Variants in ADORA2B observed in about 807,000 individuals in gnomAD.
ADORA2B encodes adenosine A2b receptor.
ADORA2B carries 18 observed loss-of-function variants against 20.8 expected under a neutral mutation model. The ratio of observed to expected loss-of-function variants is 0.87; its 90% CI spans 0.60 to 1.29. The LOEUF (loss-of-function observed/expected upper bound fraction) is 1.29. Among genes scored for constraint, ADORA2B ranks in the 50% most tolerant of loss-of-function variants. The pLI, the probability that ADORA2B is intolerant of heterozygous loss-of-function variation, is 0.00. For synonymous variants in ADORA2B, 179 were observed against 178.3 expected (o/e 1.00, Z -0.03); for missense variants, 441 against 422.7 (o/e 1.04, Z -0.38).
chr17:15,913,714 A>G, the ADORA2B span, among the ~76,000 whole-genome samples: 1 of 152,206 alleles, frequency 6.6e-6, no homozygotes, highest in Non-Finnish European at 1.5e-5. Flanking sequence ...AATATGCTAT[A>G]AAAAAATTTG....
At chr17:15,887,972 A>T in the ADORA2B span, among the ~76,000 whole-genome samples, 4 of 108,646 alleles carry the variant, frequency 3.7e-5, no homozygotes, top group African/African-American at 1.5e-4. Context: ...AAAAAAAAAA[A>T]AAAAAAAAAA....
the ADORA2B span, among the ~76,000 whole-genome samples, chr17:15,918,274 G>A: frequency 6.6e-6 from 1 of 152,128 alleles, no homozygotes; most frequent in East Asian, 1.9e-4. Flanking sequence ...GGTTTCAGCA[G>A]AGGAATTTGG....
chr17:15,920,493 C>T, the ADORA2B span, among the ~76,000 whole-genome samples: 18 of 152,252 alleles, frequency 1.2e-4, no homozygotes, highest in South Asian at 1.5e-3. Flanking sequence ...GAGGCTGAGG[C>T]GGGTAGATCA....
chr17:15,934,441 G>A, the ADORA2B span, among the ~76,000 whole-genome samples: 4 of 152,130 alleles, frequency 2.6e-5, no homozygotes, highest in Admixed American at 2.0e-4. Flanking sequence ...GGCCAGGCTG[G>A]TCTCAAACTC....
At chr17:15,904,892 C>T in the ADORA2B span, among the ~76,000 whole-genome samples, 1 of 152,094 alleles carries the variant, frequency 6.6e-6, no homozygotes, top group Non-Finnish European at 1.5e-5. Flanking sequence ...TTTCTGAGCT[C>T]TCTTTTGTTC....
At chr17:15,862,515 T>C in the ADORA2B span, among the ~76,000 whole-genome samples, 2 of 152,184 alleles carry the variant, frequency 1.3e-5, no homozygotes, top group Admixed American at 1.3e-4. Flanking sequence ...CTGGCCAACA[T>C]CTCCCTTCTT....
chr17:15,974,586 T>C, intron 1 of ADORA2B, 93 bp from the exon 2 acceptor site: 1 of 1,169,298 alleles, frequency 8.6e-7, no homozygotes, highest in Non-Finnish European at 1.2e-6. Context: ...TAGAGGTTGT[T>C]AAAGGGTCAT....
the ADORA2B span, among the ~76,000 whole-genome samples, chr17:15,872,620 G>C: frequency 1.3e-5 from 2 of 152,106 alleles, no homozygotes; most frequent in African/African-American, 4.8e-5. Flanking sequence ...CACCTCCTTG[G>C]TTAAGTATAT....
At chr17:15,954,021 C>T (rs1465030730) in intron 1 of ADORA2B, among the ~76,000 whole-genome samples, 3 of 152,042 alleles carry the variant, frequency 2.0e-5, no homozygotes, top group African/African-American at 7.3e-5. Flanking sequence ...CTCTGTCGCC[C>T]AAGCTGGAGT....
chr17:15,965,174 G>A (rs1321930371), intron 1 of ADORA2B, among the ~76,000 whole-genome samples: 1 of 152,222 alleles, frequency 6.6e-6, no homozygotes, highest in Non-Finnish European at 1.5e-5. Flanking sequence ...GCCTCTAGTG[G>A]TTTATAAGCT....
rs770254082 is a variant in ADORA2B, at chr17:15,945,388, T to G, written c.140T>G (p.Val47Gly). The G allele has an allele frequency of 1.2e-5, 19 of 1,613,096 alleles. No homozygotes were observed. The highest frequency in any genetic ancestry group is 1.5e-5 in the Non-Finnish European group (18 of 1,179,940). The change falls in exon 1 of 2, where the codon GTG becomes GGG. Residue 47 changes from valine (V) to glycine (G), a missense_variant. By Grantham distance (109) the Val-to-Gly change is moderately radical. Transcript: ENST00000304222. The stretch of plus-strand genomic sequence containing the variant: ...CAGACGCCCACCAACTACTTCCTGG[T>G]GTCCCTGGCTGCGGCCGACGTGGCC... ...TLQTPTNYFLVSLAAADVAVG... is the reference protein window; with the variant it reads ...TLQTPTNYFLGSLAAADVAVG...
chr17:15,957,186 A>T (rs764713438), intron 1 of ADORA2B, among the ~76,000 whole-genome samples: 40 of 152,354 alleles, frequency 2.6e-4, no homozygotes, highest in Middle Eastern at 3.4e-3. Context: ...TCTGCACCAG[A>T]GAAGGCTGAT....
the ADORA2B span, among the ~76,000 whole-genome samples, chr17:15,860,601 C>T: frequency 6.6e-6 from 1 of 152,026 alleles, no homozygotes; most frequent in East Asian, 1.9e-4. Flanking sequence ...TTGAAATTCA[C>T]AATAATTTTT....
At chr17:15,867,690 C>T in the ADORA2B span, among the ~76,000 whole-genome samples, 11 of 148,934 alleles carry the variant, frequency 7.4e-5, no homozygotes, top group Admixed American at 4.6e-4. Flanking sequence ...GCCCCCCGCC[C>T]GGCCAGCCGC....
intron 1 of ADORA2B, among the ~76,000 whole-genome samples, chr17:15,971,248 C>T (rs1381324802): frequency 6.6e-6 from 1 of 152,240 alleles, no homozygotes; most frequent in Non-Finnish European, 1.5e-5. Context: ...CCTTGTTATG[C>T]TGCAGGGACT....
the ADORA2B span, among the ~76,000 whole-genome samples, chr17:15,871,417 TC>T: frequency 6.6e-6 from 1 of 152,166 alleles, no homozygotes; most frequent in East Asian, 1.9e-4. Flanking sequence ...TGTTTTTGCC[TC>T]TGTGCAGAAA....
chr17:15,921,013 T>C, the ADORA2B span, among the ~76,000 whole-genome samples: 2 of 152,232 alleles, frequency 1.3e-5, no homozygotes, highest in African/African-American at 2.4e-5. Flanking sequence ...GGGAAACCAA[T>C]GTTTGAGTCC....
At chr17:15,919,019 G>A in the ADORA2B span, among the ~76,000 whole-genome samples, 1 of 152,114 alleles carries the variant, frequency 6.6e-6, no homozygotes, top group Non-Finnish European at 1.5e-5. Flanking sequence ...GCTCTTCTCA[G>A]TCTCCAGGAG....
the ADORA2B span, among the ~76,000 whole-genome samples, chr17:15,925,814 C>CA: frequency 6.6e-6 from 1 of 151,768 alleles, no homozygotes; most frequent in Admixed American, 6.6e-5. Flanking sequence ...CTAAAAAAAC[C>CA]AAAAAAATTA....
Sources: allele counts gnomAD v4.1 joint callset (sites outside exome capture counted in the v4.1 genomes callset), GRCh38; gene constraint gnomAD v4.1.1; transcripts MANE v1.5; gene names NCBI Gene and HGNC (gene_info 2026-07-23, HGNC 2026-07-21).